The following IL1RL1 variants were observed in gnomAD, a reference collection of about 807,000 sequenced individuals.
IL1RL1 encodes the protein interleukin 1 receptor like 1.
In IL1RL1, 32 loss-of-function variants were observed where a neutral mutation model predicts 50.9. The ratio of observed to expected loss-of-function variants is 0.63; its 90% CI spans 0.47 to 0.84. IL1RL1 has a LOEUF of 0.84. IL1RL1 is among the 40% of genes least tolerant of loss of function. The pLI is 0.00. For missense variants in IL1RL1, 773 were observed against 662.9 expected (o/e 1.17, Z -1.82); for synonymous variants, 275 against 236.0 (o/e 1.17, Z -1.51).
intron 1 of IL1RL1, among the ~76,000 whole-genome samples, chr2:102,321,028 C>T (rs1014436808): frequency 7.2e-5 from 11 of 152,232 alleles, no homozygotes; most frequent in Non-Finnish European, 1.2e-4. Context: ...TCTGGAGTTC[C>T]TCATGCCCTG....
At chr2:102,326,777 A>G (rs1387392904) in intron 1 of IL1RL1, among the ~76,000 whole-genome samples, 3 of 152,330 alleles carry the variant, frequency 2.0e-5, no homozygotes, top group African/African-American at 7.2e-5. Flanking sequence ...ATAATGGTAA[A>G]GGGATCAATT....
At chr2:102,342,897 A>G (rs745885503) in intron 6 of IL1RL1, 139 bp from the exon 7 acceptor site, 147 of 749,788 alleles carry the variant, frequency 2.0e-4, no homozygotes, top group Non-Finnish European at 3.0e-4. Context: ...TAGAAAGAGG[A>G]AGGTGCTAGA....
intron 1 of IL1RL1, among the ~76,000 whole-genome samples, chr2:102,323,273 A>ATATATATATATATATATATG (rs1303334375): frequency 4.1e-5 from 2 of 48,498 alleles, no homozygotes; most frequent in Admixed American, 1.7e-4. Context: ...ATATATATAT[A>ATATATATATATATATATATG]GTGTGTGTGT....
Position 102,345,593 on chromosome 2 carries a change from C to T in IL1RL1, c.970+2178C>T, listed in dbSNP as rs190357617. 62 of 985,376 alleles carry T rather than the reference C, an allele frequency of 6.3e-5. No individual in the cohort carries two copies. In the East Asian group the frequency reaches 3.3e-3, roughly 52 times the overall value. The allele number at this position is 985,376 out of a possible 1,614,324, so 61.0% of individuals were successfully genotyped here. A position where few individuals can be genotyped will look rare whatever the true frequency, so the allele number is the denominator to read the frequency against. On this transcript the variant is annotated intron_variant, in intron 8 of 10. Transcript: ENST00000233954. ...AGAAAGGATAGGGGTGTGGGGACAGCGGGCCCCCAATATGGTGTAATCGTG... is the reference window on the plus strand; with the variant it reads ...AGAAAGGATAGGGGTGTGGGGACAGTGGGCCCCCAATATGGTGTAATCGTG...
At chr2:102,345,434 G>A (rs1047761761) in intron 8 of IL1RL1, 1 of 985,122 alleles carries the variant, frequency 1.0e-6, no homozygotes, top group Non-Finnish European at 1.2e-6. Flanking sequence ...CACTCCTCAG[G>A]GGCTGTACAA....
chr2:102,346,558 A>T (rs936197843), intron 8 of IL1RL1, among the ~76,000 whole-genome samples: 17 of 152,212 alleles, frequency 1.1e-4, no homozygotes, highest in African/African-American at 4.1e-4. Context: ...TGGCATGGTT[A>T]CTTCCCAGCA....
chr2:102,324,893 C>T (rs1030117031), intron 1 of IL1RL1, among the ~76,000 whole-genome samples: 1 of 152,208 alleles, frequency 6.6e-6, no homozygotes, highest in African/African-American at 2.4e-5. Flanking sequence ...CTCAAGGAGG[C>T]CTGCCTGCCT....
In IL1RL1 at chr2:102,341,446, T is replaced by TTATCAATC. The variant is rs1487276020; in HGVS notation, c.610+621_610+628dup. ...AAGGGAAAGATTTCACAATCATAGC[T>TTATCAATC]TATCAATCTACAAAGGATTGGGGTC... On this transcript the variant is annotated intron_variant, in intron 5 of 10. Coordinates refer to ENST00000233954, the MANE Select transcript of IL1RL1 (RefSeq NM_016232.5). 5.4e-5 allele frequency: 35 copies of TTATCAATC among 648,240 alleles called. No individual in the cohort carries two copies. In the African/African-American group the frequency reaches 6.2e-4, roughly 11 times the overall value. 40.2% of individuals were successfully genotyped at this position (648,240 alleles called of 1,614,324 possible).
intron 1 of IL1RL1, among the ~76,000 whole-genome samples, chr2:102,332,789 C>T (rs1181470948): frequency 6.6e-6 from 1 of 151,956 alleles, no homozygotes; most frequent in East Asian, 1.9e-4. Context: ...TTGTGCACTT[C>T]GAAATAGTTA....
At chr2:102,352,258 A>G (rs1172067628), downstream of IL1RL1, among the ~76,000 whole-genome samples, 1 of 149,896 alleles carries the variant, frequency 6.7e-6, no homozygotes, top group East Asian at 2.0e-4. Context: ...AATAATCTGA[A>G]TAGCAAACTA....
At chr2:102,317,099 A>T (rs1301317152) in intron 1 of IL1RL1, among the ~76,000 whole-genome samples, 1 of 152,216 alleles carries the variant, frequency 6.6e-6, no homozygotes, top group African/African-American at 2.4e-5. Context: ...TCACGCCTGT[A>T]ATTCCAGCAC....
At chr2:102,352,082 G>A (rs1341018151), downstream of IL1RL1, 4 of 714,528 alleles carry the variant, frequency 5.6e-6, no homozygotes, top group Non-Finnish European at 2.2e-6. Flanking sequence ...GCTTCTGGGT[G>A]GATGCAAAAT....
At chr2:102,325,466 C>G (rs1344891682) in intron 1 of IL1RL1, among the ~76,000 whole-genome samples, 1 of 152,192 alleles carries the variant, frequency 6.6e-6, no homozygotes, top group East Asian at 1.9e-4. Flanking sequence ...CAGAGGAACA[C>G]AGCTCCTCAC....
At chr2:102,330,037 T>C (rs1677128642) in intron 1 of IL1RL1, among the ~76,000 whole-genome samples, 3 of 152,126 alleles carry the variant, frequency 2.0e-5, no homozygotes, top group Admixed American at 6.6e-5. Context: ...GACACATGCA[T>C]ATATATGTTT....
intron 1 of IL1RL1, among the ~76,000 whole-genome samples, 194 bp downstream of exon 1, chr2:102,311,817 A>C (rs1279586298): frequency 1.1e-5 from 1 of 87,264 alleles, no homozygotes; most frequent in Non-Finnish European, 2.1e-5. Flanking sequence ...TATATAATAC[A>C]ATTATATAAT....
At chr2:102,323,975 T>C (rs1290312801) in intron 1 of IL1RL1, among the ~76,000 whole-genome samples, 1 of 152,086 alleles carries the variant, frequency 6.6e-6, no homozygotes, top group Non-Finnish European at 1.5e-5. Context: ...AAAACTGGCT[T>C]CTTTCATTCA....
chr2:102,328,417 C>G (rs1386501981), intron 1 of IL1RL1, among the ~76,000 whole-genome samples: 3 of 152,152 alleles, frequency 2.0e-5, no homozygotes, highest in African/African-American at 7.2e-5. Context: ...TGGGCAAAAA[C>G]TGGAAGCATT....
intron 1 of IL1RL1, among the ~76,000 whole-genome samples, chr2:102,336,532 C>A (rs1677333397): frequency 6.6e-6 from 1 of 152,224 alleles, no homozygotes; most frequent in East Asian, 1.9e-4. Context: ...GTCATCGCAA[C>A]TATGCATAGC....
intron 1 of IL1RL1, among the ~76,000 whole-genome samples, chr2:102,331,920 T>C (rs1677188759): frequency 6.6e-6 from 1 of 151,274 alleles, no homozygotes; most frequent in South Asian, 2.1e-4. Context: ...ATACAAAAAT[T>C]AGCTGGGCAT....
Sources: allele counts gnomAD v4.1 joint callset (sites outside exome capture counted in the v4.1 genomes callset), GRCh38; gene constraint gnomAD v4.1.1; transcripts MANE v1.5; gene names NCBI Gene and HGNC (gene_info 2026-07-23, HGNC 2026-07-21).